Variants in RPS6KC1 observed in about 807,000 individuals in gnomAD.
RPS6KC1 encodes the protein ribosomal protein S6 kinase C1, also known as inactive ribosomal protein S6 kinase delta-1.
RPS6KC1 carries 54 observed loss-of-function variants against 103.8 expected under a neutral mutation model. That is an observed-to-expected ratio of 0.52 (90% CI 0.42 to 0.65). The LOEUF (loss-of-function observed/expected upper bound fraction) is 0.65, where lower values mean the gene tolerates loss of function less well. Ranked by LOEUF, RPS6KC1 falls within the 30% of genes least tolerant of loss-of-function variation. The pLI, the probability that RPS6KC1 is intolerant of heterozygous loss-of-function variation, is 0.00. For missense variants in RPS6KC1, 1,151 were observed against 1,253.8 expected (o/e 0.92, Z 1.24); for synonymous variants, 439 against 438.7 (o/e 1.00, Z -0.01).
chr1:213,569,174 C>T, the RPS6KC1 span, among the ~76,000 whole-genome samples: 1 of 152,160 alleles, frequency 6.6e-6, no homozygotes, highest in East Asian at 1.9e-4. Context: ...CCATTTGATG[C>T]CCGGGTCTTT....
chr1:213,144,553 C>T (rs918965538), intron 6 of RPS6KC1, among the ~76,000 whole-genome samples: 4 of 151,984 alleles, frequency 2.6e-5, no homozygotes, highest in African/African-American at 9.7e-5. Flanking sequence ...GCACCTGGCC[C>T]CCTTTCTTGA....
intron 6 of RPS6KC1, among the ~76,000 whole-genome samples, chr1:213,158,574 T>C (rs557844193): frequency 6.6e-6 from 1 of 152,254 alleles, no homozygotes; most frequent in Non-Finnish European, 1.5e-5. Context: ...AATTTTAGTT[T>C]ATTGTACTTA....
intron 12 of RPS6KC1, among the ~76,000 whole-genome samples, chr1:213,260,782 TGAG>T (rs1217033521): frequency 4.3e-5 from 6 of 140,304 alleles, no homozygotes; most frequent in Non-Finnish European, 9.1e-5. Flanking sequence ...AAAGGTGAAA[TGAG>T]GAGTTGTTGC....
At chr1:213,595,384 A>G in the RPS6KC1 span, among the ~76,000 whole-genome samples, 1 of 152,192 alleles carries the variant, frequency 6.6e-6, no homozygotes, top group African/African-American at 2.4e-5. Context: ...CATAGTGGAT[A>G]CTTGCTCTCC....
At chr1:213,803,988 C>T in the RPS6KC1 span, among the ~76,000 whole-genome samples, 3 of 151,212 alleles carry the variant, frequency 2.0e-5, no homozygotes, top group Non-Finnish European at 4.4e-5. Context: ...GGAGGGATAG[C>T]ATTAGGAGAT....
At chr1:213,687,264 T>TCTG in the RPS6KC1 span, among the ~76,000 whole-genome samples, 1 of 151,912 alleles carries the variant, frequency 6.6e-6, no homozygotes, top group Non-Finnish European at 1.5e-5. Flanking sequence ...GTCGCTCTGG[T>TCTG]TTGAATGCCT....
In RPS6KC1 at chr1:213,104,457, G is replaced by T; in HGVS notation, c.266G>T (p.Arg89Leu). 6.3e-7 allele frequency: 1 copy of T among 1,597,656 alleles called. No individual in the cohort carries two copies. The highest frequency in any genetic ancestry group is 8.6e-7 in the Non-Finnish European group (1 of 1,166,592). The change falls in exon 4 of 15, where the codon CGA becomes CTA. Residue 89 changes from arginine (R) to leucine (L), a missense_variant. Coordinates refer to ENST00000366960, the MANE Select transcript of RPS6KC1 (RefSeq NM_012424.6). ...GTTGATTCTTATTTAATTGTAGGGC[G>T]ATTTGATGAAACTGTTATCGAAGAG... ...PPFAKGIVFG[R>L]FDETVIEERR...
At chr1:213,283,440 C>A in the RPS6KC1 span, among the ~76,000 whole-genome samples, 2 of 152,136 alleles carry the variant, frequency 1.3e-5, no homozygotes, top group Admixed American at 1.3e-4. Context: ...GGACGAAATA[C>A]CTGCAAGACT....
the RPS6KC1 span, among the ~76,000 whole-genome samples, chr1:213,806,319 G>A: frequency 0.016 from 2,486 of 152,144 alleles, 61 homozygotes; most frequent in African/African-American, 0.056. Context: ...GTGACAGAGC[G>A]AGACTCCGTC....
the RPS6KC1 span, among the ~76,000 whole-genome samples, chr1:213,313,952 A>G: frequency 6.6e-6 from 1 of 151,798 alleles, no homozygotes; most frequent in South Asian, 2.1e-4. Flanking sequence ...GACTCGATTT[A>G]AAAAAAGAAA....
chr1:213,619,810 A>G, the RPS6KC1 span, among the ~76,000 whole-genome samples: 1 of 152,262 alleles, frequency 6.6e-6, no homozygotes, highest in Admixed American at 6.5e-5. Flanking sequence ...AGAAAATGAT[A>G]TAAAGCATGA....
At chr1:213,604,044 T>G in the RPS6KC1 span, among the ~76,000 whole-genome samples, 2 of 152,210 alleles carry the variant, frequency 1.3e-5, no homozygotes, top group African/African-American at 4.8e-5. Flanking sequence ...TTATTTTTGC[T>G]TCTTTTCATT....
At chr1:213,300,493 C>T in the RPS6KC1 span, among the ~76,000 whole-genome samples, 2 of 152,082 alleles carry the variant, frequency 1.3e-5, no homozygotes, top group Admixed American at 1.3e-4. Context: ...TCCCTTTTTC[C>T]CTGGTTTATT....
At chr1:213,581,165 A>G in the RPS6KC1 span, among the ~76,000 whole-genome samples, 1 of 151,852 alleles carries the variant, frequency 6.6e-6, no homozygotes, top group African/African-American at 2.4e-5. Flanking sequence ...CTGGTACCTG[A>G]AGACTTCACT....
chr1:213,225,648 C>G (rs1024759329), intron 8 of RPS6KC1, among the ~76,000 whole-genome samples: 2 of 152,166 alleles, frequency 1.3e-5, no homozygotes, highest in Non-Finnish European at 2.9e-5. Flanking sequence ...CTTGGTCTCC[C>G]AAAATGCTGG....
chr1:213,756,859 C>T, the RPS6KC1 span, among the ~76,000 whole-genome samples: 2 of 152,124 alleles, frequency 1.3e-5, no homozygotes, highest in Non-Finnish European at 1.5e-5. Context: ...ATCTGCCTGC[C>T]TCGGCCCCCC....
the RPS6KC1 span, among the ~76,000 whole-genome samples, chr1:213,839,187 C>A: frequency 6.6e-6 from 1 of 152,120 alleles, no homozygotes; most frequent in Non-Finnish European, 1.5e-5. Context: ...GGATCAAATC[C>A]TGTGGAGAAG....
At chr1:213,440,444 GA>G in the RPS6KC1 span, among the ~76,000 whole-genome samples, 1 of 152,044 alleles carries the variant, frequency 6.6e-6, no homozygotes, top group Non-Finnish European at 1.5e-5. Context: ...AAGTTTTGGG[GA>G]AGTGCTAGGT....
At chr1:213,400,002 G>A in the RPS6KC1 span, among the ~76,000 whole-genome samples, 5 of 152,214 alleles carry the variant, frequency 3.3e-5, no homozygotes, top group Non-Finnish European at 5.9e-5. Flanking sequence ...AGGCATGGCC[G>A]AGGAGGGCTG....
Sources: gnomAD v4.1 joint callset for allele counts (sites outside exome capture counted in the v4.1 genomes callset) on GRCh38, gnomAD v4.1.1 for gene constraint, MANE v1.5 for transcripts, NCBI Gene and HGNC (gene_info 2026-07-23, HGNC 2026-07-21) for gene names.